TENM3: variants seen among roughly 807,000 people sequenced by gnomAD.
TENM3 encodes the protein teneurin-3.
In TENM3, 63 loss-of-function variants were observed where a neutral mutation model predicts 255.1. The observed-to-expected ratio is 0.25, with a 90% CI of 0.20 to 0.30. The LOEUF (loss-of-function observed/expected upper bound fraction) is 0.30. Ranked by LOEUF, TENM3 falls within the 10% of genes least tolerant of loss-of-function variation. The pLI, the probability that TENM3 is intolerant of heterozygous loss-of-function variation, is 1.00. For missense variants in TENM3, 2,929 were observed against 3,461.1 expected, an observed-to-expected ratio of 0.85 and a Z score of 3.86; for synonymous variants, 1,306 against 1,322.3, an observed-to-expected ratio of 0.99 and a Z score of 0.27.
Position 182,208,732 on chromosome 4 carries a change from G to C in TENM3, c.-76+63978G>C, listed in dbSNP as rs1190043463. The stretch of plus-strand genomic sequence containing the variant: ...GTCCTAGAAGGGGGCTTTGCTCAAA[G>C]TGTGTTCTTGGGAGCAGCTGATTTC... On this transcript the variant is annotated intron_variant, in intron 1 of 2. Coordinates refer to the TENM3 transcript ENST00000512480. Among the ~76,000 whole-genome samples the C allele has an allele frequency of 2.0e-5, 3 of 152,150 alleles. No individual in the cohort carries two copies. In the East Asian group the frequency reaches 5.8e-4, roughly 29 times the overall value.
chr4:181,531,739 A>T, the TENM3 span, among the ~76,000 whole-genome samples: 1 of 152,252 alleles, frequency 6.6e-6, no homozygotes, highest in African/African-American at 2.4e-5. Context: ...AAAACGCAAG[A>T]TCTAACCAAG....
At chr4:181,460,596 CT>C in the TENM3 span, among the ~76,000 whole-genome samples, 19,777 of 120,652 alleles carry the variant, frequency 0.16, 1,465 homozygotes, top group African/African-American at 0.2. Flanking sequence ...TTTTGTTTAC[CT>C]TTTTTTCTGC....
At chr4:182,596,227 G>A (rs1747210270) in intron 3 of TENM3, among the ~76,000 whole-genome samples, 1 of 152,206 alleles carries the variant, frequency 6.6e-6, no homozygotes, top group South Asian at 2.1e-4. Context: ...GTTAAAGGCA[G>A]TATGGACAAG....
the TENM3 span, among the ~76,000 whole-genome samples, chr4:182,061,449 G>A: frequency 6.6e-6 from 1 of 152,084 alleles, no homozygotes; most frequent in Non-Finnish European, 1.5e-5. Context: ...TAGACCGTGT[G>A]TGAATTTCAT....
At chr4:181,932,826 G>A in the TENM3 span, among the ~76,000 whole-genome samples, 2 of 152,052 alleles carry the variant, frequency 1.3e-5, no homozygotes, top group African/African-American at 4.8e-5. Context: ...ATGGAATACT[G>A]TGCAGCCATA....
At chr4:182,079,821 T>C in the TENM3 span, 1 of 152,294 alleles carries the variant, frequency 6.6e-6, no homozygotes, top group Non-Finnish European at 1.5e-5. Flanking sequence ...GTCAATCCGA[T>C]TGCATCTGAC....
chr4:182,019,761 C>T, the TENM3 span, among the ~76,000 whole-genome samples: 1 of 152,100 alleles, frequency 6.6e-6, no homozygotes, highest in Non-Finnish European at 1.5e-5. Context: ...ACCTTCCAGG[C>T]TTAAGCAATC....
At chr4:181,520,875 T>A in the TENM3 span, among the ~76,000 whole-genome samples, 1 of 152,240 alleles carries the variant, frequency 6.6e-6, no homozygotes, top group East Asian at 1.9e-4. Context: ...ATTAATCATG[T>A]GGCATAAATT....
chr4:182,187,646 T>C (rs142882390), intron 1 of TENM3, among the ~76,000 whole-genome samples: 1 of 152,132 alleles, frequency 6.6e-6, no homozygotes, highest in East Asian at 1.9e-4. Context: ...AATTCTTTGG[T>C]TGAACAGAAA....
the TENM3 span, among the ~76,000 whole-genome samples, chr4:181,672,074 A>G: frequency 1.3e-5 from 2 of 152,138 alleles, no homozygotes; most frequent in Non-Finnish European, 2.9e-5. Flanking sequence ...GTCAATAACC[A>G]CGTTTGCACC....
In TENM3 at chr4:182,653,765, C is replaced by T. The variant is rs1297325266; in HGVS notation, c.989-6C>T. 2 of 1,604,210 alleles carry T rather than the reference C, an allele frequency of 1.2e-6. No individual in the cohort carries two copies. The highest frequency in any genetic ancestry group is 1.7e-6 in the Non-Finnish European group (2 of 1,175,364). On this transcript the variant is annotated splice_region_variant and splice_polypyrimidine_tract_variant and intron_variant, in intron 5 of 27. Coordinates refer to ENST00000511685, the MANE Select transcript of TENM3 (RefSeq NM_001080477.4). ...TCTTTAAACAACTTGTGTTCTTTAC[C>T]CCCAGCAATGCATCTCTTTGGCCTC...
At chr4:182,429,414 A>G (rs571840584) in intron 3 of TENM3, among the ~76,000 whole-genome samples, 1 of 152,234 alleles carries the variant, frequency 6.6e-6, no homozygotes. Context: ...TATAAATTGC[A>G]TAAGCAATTT....
At chr4:182,334,012 A>C (rs1580193162) in intron 2 of TENM3, among the ~76,000 whole-genome samples, 1 of 152,244 alleles carries the variant, frequency 6.6e-6, no homozygotes, top group East Asian at 1.9e-4. Flanking sequence ...TGGCCAAGGA[A>C]CTTTTTTGGA....
At chr4:181,699,328 A>G in the TENM3 span, among the ~76,000 whole-genome samples, 1 of 151,266 alleles carries the variant, frequency 6.6e-6, no homozygotes. Context: ...CTACTTGGGC[A>G]GCTGAGACAG....
At chr4:181,920,970 G>A in the TENM3 span, among the ~76,000 whole-genome samples, 2 of 152,146 alleles carry the variant, frequency 1.3e-5, no homozygotes, top group Non-Finnish European at 2.9e-5. Flanking sequence ...AGTTTTCCCA[G>A]CACCATTTAT....
chr4:182,186,196 G>A (rs996174818), intron 1 of TENM3, among the ~76,000 whole-genome samples: 2 of 152,276 alleles, frequency 1.3e-5, no homozygotes, highest in South Asian at 4.1e-4. Flanking sequence ...AAGTGTGTGT[G>A]CATGTGTGTG....
the TENM3 span, among the ~76,000 whole-genome samples, chr4:181,874,186 TGA>T: frequency 6.6e-6 from 1 of 152,342 alleles, no homozygotes; most frequent in South Asian, 2.1e-4. Context: ...CCCAAACTGC[TGA>T]GATTACAGGC....
chr4:182,186,762 C>CTCAT (rs1491277798), intron 1 of TENM3, among the ~76,000 whole-genome samples: 1 of 27,498 alleles, frequency 3.6e-5, no homozygotes, highest in African/African-American at 1.3e-4. Flanking sequence ...ACTAATGCAT[C>CTCAT]ATATATATAT....
At chr4:182,731,861 A>C (rs996832426) in intron 16 of TENM3, among the ~76,000 whole-genome samples, 2 of 150,628 alleles carry the variant, frequency 1.3e-5, no homozygotes, top group Admixed American at 6.6e-5. Context: ...GGCTCACTGC[A>C]AGCTCCACCT....
Sources: allele counts gnomAD v4.1 joint callset (sites outside exome capture counted in the v4.1 genomes callset), GRCh38; gene constraint gnomAD v4.1.1; transcripts MANE v1.5; gene names NCBI Gene and HGNC (gene_info 2026-07-23, HGNC 2026-07-21).